Variants in KLHL22 observed in about 807,000 individuals in gnomAD.
KLHL22 encodes the protein kelch-like protein 22.
A neutral mutation model predicts 60.7 loss-of-function variants in KLHL22; 18 were observed. That is an observed-to-expected ratio of 0.30 (90% CI 0.20 to 0.44). The LOEUF (loss-of-function observed/expected upper bound fraction) is 0.44. Ranked by LOEUF, KLHL22 falls within the 20% of genes least tolerant of loss-of-function variation. The pLI is 1.00. For missense variants in KLHL22, 596 were observed against 852.3 expected (o/e 0.70, Z 3.74); for synonymous variants, 355 against 354.5 (o/e 1.00, Z -0.01).
At chr22:20,470,680 G>GTGGA (rs538204093) in intron 3 of KLHL22, among the ~76,000 whole-genome samples, 12,757 of 149,500 alleles carry the variant, frequency 0.085, 898 homozygotes, top group East Asian at 0.44. Flanking sequence ...GGATGGATGG[G>GTGGA]TGGATGGATG....
Position 20,477,404 on chromosome 22 carries a change from A to G in KLHL22, c.228-5889T>C, listed in dbSNP as rs180868226. Among the ~76,000 whole-genome samples the G allele has an allele frequency of 1.1e-3, 169 of 151,204 alleles. 1 individual carries two copies. Among genetic ancestry groups the G allele is most frequent in the Middle Eastern group, 6.9e-3 (2 of 290 alleles). On this transcript the variant is annotated intron_variant, in intron 2 of 6. Coordinates refer to ENST00000328879, the MANE Select transcript of KLHL22 (RefSeq NM_032775.4). ...CTCAAAAGAAAAAGAAAAAGAAGGG[A>G]AAAAAAAAGACCAGATGGGGCAACA...
rs1281455324 is a variant in KLHL22, at chr22:20,465,529, C to T, written c.441G>A (p.Val147=). The part of the protein sequence containing the change: ...HFCCDFLMSW[V]DEENILDVYR... ...AGACATCGAGAATGTTCTCTTCGTC[C>T]ACCCAGGACATGAGGAAATCACAGC... is the stretch of plus-strand genomic sequence containing the variant. The change falls in exon 4 of 7, where the codon GTG becomes GTA. Residue 147 remains valine, a synonymous_variant. Coordinates refer to ENST00000328879, the MANE Select transcript of KLHL22 (RefSeq NM_032775.4). The surrounding 1 kb of genome is among the most constrained non-coding windows in gnomAD (Gnocchi z 4.9). 2 of 1,605,222 alleles carry T rather than the reference C, an allele frequency of 1.2e-6. No homozygotes were observed. Among genetic ancestry groups the T allele is most frequent in the Admixed American group, 1.7e-5 (1 of 60,012 alleles).
chr22:20,442,075 A>C lies in KLHL22; in HGVS notation c.1903T>G (p.Ter635GluextTer23). ...WEEFDNSSED[*>E] ...CTCTGATGCCAGGCACAGGGAGCCT[A>C]GTCCTCACTGGAGTTGTCAAACTCC... Residue 635 changes from the stop codon to glutamate, a stop_lost, in exon 7 of 7, where the codon TAG (stop) becomes GAG (glutamate). Transcript: ENST00000328879. The C allele has an allele frequency of 2.7e-6, 4 of 1,501,960 alleles. No individual in the cohort carries two copies. Among genetic ancestry groups the C allele is most frequent in the Non-Finnish European group, 3.6e-6 (4 of 1,125,398 alleles). The allele number at this position is 1,501,960 out of a possible 1,614,324, so 93.0% of individuals were successfully genotyped here.
Position 20,442,169 on chromosome 22 carries a change from G to T in KLHL22, c.1809C>A (p.Arg603=), listed in dbSNP as rs144572222. Residue 603 remains arginine, a synonymous_variant, in exon 7 of 7, where the codon CGC becomes CGA. Coordinates refer to ENST00000328879, the MANE Select transcript of KLHL22 (RefSeq NM_032775.4). ...CGGCCTGGCTGCGGTCAGGGGTCCC[G>T]CGGGGCGGCTCAAGGAGCAGGGAGC... ...LPRSLLLEPP[R]GTPDRSQADP... 216 of 1,559,634 alleles carry T rather than the reference G, an allele frequency of 1.4e-4. No homozygotes were observed. The highest frequency in any genetic ancestry group is 1.8e-4 in the Non-Finnish European group (212 of 1,151,172).
At chr22:20,490,899 G>A (rs1446598262) in intron 1 of KLHL22, among the ~76,000 whole-genome samples, 1 of 152,100 alleles carries the variant, frequency 6.6e-6, no homozygotes, top group East Asian at 1.9e-4. Context: ...TGAGGCCTGG[G>A]GGTTGCGGAC....
chr22:20,465,040 C>A lies in KLHL22; in HGVS notation c.930G>T (p.Pro310=), dbSNP rs80052647. 6.2e-7 allele frequency: 1 copy of A among 1,610,826 alleles called. No homozygotes were observed. ...VVGFGGIHST[P]STVLSDQAKY... ...TGGCCTGGTCGCTGAGGACAGTGGA[C>A]GGCGTGGAGTGAATGCCCCCGAAGC... Residue 310 remains proline, a synonymous_variant, in exon 4 of 7, where the codon CCG becomes CCT. Coordinates refer to ENST00000328879, the MANE Select transcript of KLHL22 (RefSeq NM_032775.4). This position sits in a 1 kb window ranked among gnomAD's most constrained non-coding sequence, Gnocchi z 4.9.
intron 2 of KLHL22, among the ~76,000 whole-genome samples, chr22:20,487,634 AG>A (rs2053607878): frequency 6.6e-6 from 1 of 152,124 alleles, no homozygotes; most frequent in East Asian, 1.9e-4. Context: ...GGAGGGATGC[AG>A]GGGGTGTTAG....
At chr22:20,451,382 T>C in intron 5 of KLHL22, 1 of 1,611,724 alleles carries the variant, frequency 6.2e-7, no homozygotes, top group Non-Finnish European at 8.5e-7. Flanking sequence ...GCCGGACTCG[T>C]AGTGGCCAGT....
At chr22:20,453,400 A>G (rs1220929351) in intron 5 of KLHL22, among the ~76,000 whole-genome samples, 1 of 152,162 alleles carries the variant, frequency 6.6e-6, no homozygotes, top group Non-Finnish European at 1.5e-5. Context: ...ATTTGCTGAA[A>G]GATATCTTTC....
At chr22:20,480,581 C>T (rs1293664174) in intron 2 of KLHL22, among the ~76,000 whole-genome samples, 1 of 152,058 alleles carries the variant, frequency 6.6e-6, no homozygotes, top group East Asian at 1.9e-4. Flanking sequence ...GGTCCTCGAT[C>T]CCTTGTCCAA....
rs1183410677 is a variant in KLHL22 at position 20,488,976 on chromosome 22, T to C, written c.227+9A>G. 1.2e-6 allele frequency: 2 copies of C among 1,612,938 alleles called. No individual in the cohort carries two copies. Among genetic ancestry groups the C allele is most frequent in the East Asian group, 2.2e-5 (1 of 44,876 alleles). Reference sequence around the variant, plus strand: ...TTATTCTTCTTACAAACAGCTCTAGTGAACTCACCTGAAGTAATCGCAGGA... The same window carrying C: ...TTATTCTTCTTACAAACAGCTCTAGCGAACTCACCTGAAGTAATCGCAGGA... On this transcript the variant is annotated intron_variant, in intron 2 of 6. Transcript: ENST00000328879.
At chr22:20,449,349 C>T (rs1024987274) in intron 5 of KLHL22, among the ~76,000 whole-genome samples, 15 of 151,936 alleles carry the variant, frequency 9.9e-5, no homozygotes, top group Admixed American at 9.2e-4. Context: ...TGTGAGCCAC[C>T]GTGCCCGGCT....
At chr22:20,449,395 A>G (rs1569122363) in intron 5 of KLHL22, among the ~76,000 whole-genome samples, 1 of 139,974 alleles carries the variant, frequency 7.1e-6, no homozygotes, top group African/African-American at 2.7e-5. Context: ...TATTTGCAGT[A>G]TTTTGCCAAG....
At chr22:20,458,273 C>CTTTTTTT (rs35379911) in intron 4 of KLHL22, among the ~76,000 whole-genome samples, 12 of 76,486 alleles carry the variant, frequency 1.6e-4, no homozygotes, top group South Asian at 5.2e-4. Context: ...TCCAATGGCT[C>CTTTTTTT]TTTTTTTTTT....
At chr22:20,448,118 T>G (rs574741973) in intron 5 of KLHL22, among the ~76,000 whole-genome samples, 2 of 152,194 alleles carry the variant, frequency 1.3e-5, no homozygotes, top group Non-Finnish European at 2.9e-5. Flanking sequence ...TCTTCTCTAT[T>G]TCTACAGTTT....
intron 5 of KLHL22, chr22:20,450,476 A>G: frequency 6.2e-7 from 1 of 1,613,570 alleles, no homozygotes; most frequent in Non-Finnish European, 8.5e-7. Flanking sequence ...GGTGTGAAAC[A>G]AGCCTGCTGT....
intron 2 of KLHL22, chr22:20,483,911 C>G: frequency 1.5e-6 from 1 of 682,828 alleles, no homozygotes; most frequent in African/African-American, 1.8e-5. Flanking sequence ...CAGCCATCCC[C>G]GCGGCCAGGC....
chr22:20,441,887 A>C lies in KLHL22; in HGVS notation c.*186T>G. ...ACGTAATCCACAGCCTGGGATCTGCATGGCCCTGAGATGCCTGCGGCAGGC... is the reference window on the plus strand; with the variant it reads ...ACGTAATCCACAGCCTGGGATCTGCCTGGCCCTGAGATGCCTGCGGCAGGC... On this transcript the variant is annotated 3_prime_UTR_variant, in exon 7 of 7. Transcript: ENST00000328879. 2.0e-6 allele frequency: 1 copy of C among 488,096 alleles called. No individual in the cohort carries two copies. Among genetic ancestry groups the C allele is most frequent in the East Asian group, 3.4e-5 (1 of 29,594 alleles). 30.2% of individuals were successfully genotyped at this position (488,096 alleles called of 1,614,324 possible).
In KLHL22 at chr22:20,442,294, A is replaced by G; in HGVS notation, c.1684T>C (p.Tyr562His). ...RSHNRGSRTGYVHIYDVEKDC... is the reference protein window; with the variant it reads ...RSHNRGSRTGHVHIYDVEKDC... ...TTCTCCACATCGTAAATGTGCACGT[A>G]GCCTGTGCGGCTGCCGCGGTTGTGT... The change falls in exon 7 of 7, where the codon TAC becomes CAC. Residue 562 changes from tyrosine to histidine, a missense_variant. Tyr to His is a moderately conservative substitution (Grantham distance 83). Transcript: ENST00000328879. 1 of 1,613,976 alleles carries G rather than the reference A, an allele frequency of 6.2e-7. No homozygotes were observed. The highest frequency in any genetic ancestry group is 8.5e-7 in the Non-Finnish European group (1 of 1,180,016).
Sources: gnomAD v4.1 joint callset for allele counts (sites outside exome capture counted in the v4.1 genomes callset) on GRCh38, gnomAD v4.1.1 for gene constraint, Gnocchi (gnomAD v3.1) non-coding constraint, MANE v1.5 for transcripts, NCBI Gene and HGNC (gene_info 2026-07-23, HGNC 2026-07-21) for gene names.